Variants in LRRC4C observed in about 807,000 individuals in gnomAD.
LRRC4C encodes leucine-rich repeat-containing protein 4C.
In LRRC4C, 5 loss-of-function variants were observed where a neutral mutation model predicts 33.6. That is an observed-to-expected ratio of 0.15 (90% CI 0.08 to 0.31). The LOEUF is 0.31. Among genes scored for constraint, LRRC4C ranks in the 10% least tolerant of loss-of-function variants. LRRC4C has a pLI of 1.00. For missense variants in LRRC4C, 560 were observed against 796.7 expected, an observed-to-expected ratio of 0.70 and a Z score of 3.58; for synonymous variants, 329 against 302.0, an observed-to-expected ratio of 1.09 and a Z score of -0.93.
rs187628557 is a variant in LRRC4C, at chr11:40,765,822, T to G, written c.-406-117544A>C. ...TTAAATAAAAAGGAATGAAACACAC[T>G]GATAAGATGTAGAAAATAGTCTGAA... On this transcript the variant is annotated intron_variant, in intron 2 of 6. Coordinates refer to ENST00000528697, the MANE Select transcript of LRRC4C (RefSeq NM_001258419.2). Among the ~76,000 whole-genome samples, 20 of 151,882 alleles carry G rather than the reference T, an allele frequency of 1.3e-4. No homozygotes were observed. In the East Asian group the frequency reaches 3.7e-3, roughly 28 times the overall value.
chr11:41,271,918 T>C (rs1949333767), intron 1 of LRRC4C, among the ~76,000 whole-genome samples: 1 of 152,152 alleles, frequency 6.6e-6, no homozygotes, highest in African/African-American at 2.4e-5. Flanking sequence ...ACATACTAAC[T>C]CACTTAACTT....
At chr11:40,411,604 C>T (rs1159568622) in intron 3 of LRRC4C, among the ~76,000 whole-genome samples, 1 of 151,992 alleles carries the variant, frequency 6.6e-6, no homozygotes, top group African/African-American at 2.4e-5. Flanking sequence ...ATTCTGAATA[C>T]AAAATGTGTA....
At chr11:40,626,991 C>T (rs141189270) in intron 3 of LRRC4C, among the ~76,000 whole-genome samples, 3,105 of 151,892 alleles carry the variant, frequency 0.02, 50 homozygotes, top group South Asian at 0.037. Flanking sequence ...GCTTTGCTAC[C>T]AGTTAGAGTT....
chr11:40,272,034 C>G (rs1942744544), intron 4 of LRRC4C, among the ~76,000 whole-genome samples: 1 of 152,050 alleles, frequency 6.6e-6, no homozygotes. Flanking sequence ...TACATCAATC[C>G]ATATCTGCAC....
At chr11:40,236,299 T>A (rs1865550109) in intron 5 of LRRC4C, among the ~76,000 whole-genome samples, 1 of 152,222 alleles carries the variant, frequency 6.6e-6, no homozygotes, top group Non-Finnish European at 1.5e-5. Flanking sequence ...GCTGCTGGCT[T>A]AAGGAGCTAT....
At chr11:40,530,753 A>G (rs777887403) in intron 3 of LRRC4C, among the ~76,000 whole-genome samples, 1 of 152,258 alleles carries the variant, frequency 6.6e-6, no homozygotes, top group Non-Finnish European at 1.5e-5. Context: ...CTATCATACA[A>G]AGTAAGAACT....
At chr11:40,339,532 T>C (rs192629972) in intron 3 of LRRC4C, among the ~76,000 whole-genome samples, 1 of 152,350 alleles carries the variant, frequency 6.6e-6, no homozygotes, top group Non-Finnish European at 1.5e-5. Context: ...TTCTCTTTTC[T>C]ACCCAATGCC....
intron 1 of LRRC4C, among the ~76,000 whole-genome samples, chr11:41,123,928 C>T (rs1293556247): frequency 2.0e-5 from 3 of 152,146 alleles, no homozygotes; most frequent in African/African-American, 7.2e-5. Flanking sequence ...ATCAACTTAA[C>T]GCCCCATAAC....
intron 1 of LRRC4C, among the ~76,000 whole-genome samples, chr11:41,094,551 A>G (rs1940681018): frequency 6.6e-6 from 1 of 152,056 alleles, no homozygotes. Context: ...TAAAAATAAA[A>G]GCACCTACTG....
intron 1 of LRRC4C, among the ~76,000 whole-genome samples, chr11:41,255,081 G>A (rs1049277610): frequency 1.3e-5 from 2 of 151,976 alleles, no homozygotes; most frequent in Non-Finnish European, 2.9e-5. Context: ...AACTAAAGAG[G>A]TAATGCAAGT....
intron 3 of LRRC4C, among the ~76,000 whole-genome samples, chr11:40,543,228 A>T (rs1052234347): frequency 6.6e-6 from 1 of 152,034 alleles, no homozygotes; most frequent in African/African-American, 2.4e-5. Flanking sequence ...CCACATTTTG[A>T]GGTAAAATCT....
chr11:40,790,203 G>T (rs1002502970), intron 2 of LRRC4C, among the ~76,000 whole-genome samples: 1 of 152,114 alleles, frequency 6.6e-6, no homozygotes, highest in Non-Finnish European at 1.5e-5. Flanking sequence ...TGAATGTATC[G>T]CATTGACAGT....
chr11:40,935,244 G>A (rs1170853094), intron 1 of LRRC4C, among the ~76,000 whole-genome samples: 2 of 152,112 alleles, frequency 1.3e-5, no homozygotes, highest in Non-Finnish European at 2.9e-5. Flanking sequence ...GTCATTCTAA[G>A]TAGATTGCTA....
chr11:40,660,267 C>T lies in LRRC4C; in HGVS notation c.-406-11989G>A, dbSNP rs369664323. Among the ~76,000 whole-genome samples, 27 of 152,182 alleles carry T rather than the reference C, an allele frequency of 1.8e-4. No homozygotes were observed. The East Asian group carries it at 3.3e-3, about 18-fold the overall frequency. On this transcript the variant is annotated intron_variant, in intron 2 of 6. Transcript: ENST00000528697. Reference sequence around the variant, plus strand: ...TGCTTGCTCGCTTACACAACCCTTGCCACTCAGCACCTGGATTGCCCTCAG... The same window carrying T: ...TGCTTGCTCGCTTACACAACCCTTGTCACTCAGCACCTGGATTGCCCTCAG...
chr11:40,618,102 G>A (rs945774437), intron 3 of LRRC4C, among the ~76,000 whole-genome samples: 5 of 151,652 alleles, frequency 3.3e-5, no homozygotes, highest in African/African-American at 1.2e-4. Context: ...CCTATTCAAA[G>A]TTCATATCTA....
At chr11:40,276,306 T>G (rs2136394992) in intron 4 of LRRC4C, among the ~76,000 whole-genome samples, 1 of 152,238 alleles carries the variant, frequency 6.6e-6, no homozygotes, top group South Asian at 2.1e-4. Flanking sequence ...AAGAGCCTGC[T>G]TTGTCTTGCC....
chr11:40,731,598 T>C (rs945694789), intron 2 of LRRC4C, among the ~76,000 whole-genome samples: 7 of 152,190 alleles, frequency 4.6e-5, no homozygotes, highest in Non-Finnish European at 1.0e-4. Flanking sequence ...TACGACATTA[T>C]TCTTTCTTTA....
chr11:40,283,803 C>T (rs145155883), intron 4 of LRRC4C, among the ~76,000 whole-genome samples: 3,115 of 135,862 alleles, frequency 0.023, 64 homozygotes, highest in South Asian at 0.077. Flanking sequence ...CTCCTGGGTT[C>T]AAGAGATTCT....
At chr11:41,200,341 CT>C (rs1436595234) in intron 1 of LRRC4C, among the ~76,000 whole-genome samples, 3 of 152,024 alleles carry the variant, frequency 2.0e-5, no homozygotes, top group African/African-American at 7.2e-5. Context: ...GGCATTATTT[CT>C]TTTAGTCTAC....
Sources: allele counts gnomAD v4.1 joint callset (sites outside exome capture counted in the v4.1 genomes callset), GRCh38; gene constraint gnomAD v4.1.1; transcripts MANE v1.5; gene names NCBI Gene and HGNC (gene_info 2026-07-23, HGNC 2026-07-21).